ZFAT: variants seen among roughly 807,000 people sequenced by gnomAD.
ZFAT encodes zinc finger and AT-hook domain containing, also known as zinc finger protein ZFAT.
ZFAT carries 64 observed loss-of-function variants against 117.7 expected under a neutral mutation model. The observed-to-expected ratio is 0.54, with a 90% CI of 0.44 to 0.67. The LOEUF is 0.67. ZFAT is among the 30% of genes least tolerant of loss of function. The pLI, the probability that ZFAT is intolerant of heterozygous loss-of-function variation, is 0.00. For missense variants in ZFAT, 1,433 were observed against 1,584.5 expected, an observed-to-expected ratio of 0.90 and a Z score of 1.62; for synonymous variants, 679 against 615.0, an observed-to-expected ratio of 1.10 and a Z score of -1.54.
chr8:134,766,916 A>T, the ZFAT span: 1 of 152,228 alleles, frequency 6.6e-6, no homozygotes, highest in Non-Finnish European at 1.5e-5. Context: ...CTGAACGCTC[A>T]ACTGCTTAGC....
At chr8:134,557,005 GATTACAGCAAAAA>G (rs1460032293) in intron 11 of ZFAT, among the ~76,000 whole-genome samples, 2 of 151,542 alleles carry the variant, frequency 1.3e-5, no homozygotes, top group Non-Finnish European at 2.9e-5. Context: ...AATATTTACT[GATTACAGCAAAAA>G]ATAACAACAC....
chr8:134,555,845 G>C (rs1823550763), intron 11 of ZFAT, among the ~76,000 whole-genome samples: 1 of 151,534 alleles, frequency 6.6e-6, no homozygotes, highest in Non-Finnish European at 1.5e-5. Context: ...TGTGTGAACA[G>C]ATGATAAAAT....
At chr8:134,685,864 C>T (rs1227883096) in intron 1 of ZFAT, among the ~76,000 whole-genome samples, 3 of 152,206 alleles carry the variant, frequency 2.0e-5, no homozygotes, top group African/African-American at 7.2e-5. Context: ...GTGCCTTCCC[C>T]GTCACCCCAC....
the ZFAT span, among the ~76,000 whole-genome samples, chr8:134,809,837 A>G: frequency 6.6e-6 from 1 of 152,190 alleles, no homozygotes; most frequent in Non-Finnish European, 1.5e-5. Context: ...TTCTCTGACC[A>G]TAATTGAAAC....
rs779223874 is a variant in ZFAT, at chr8:134,565,493, T to C, written c.2888-72A>G. The C allele has an allele frequency of 4.3e-6, 6 of 1,398,140 alleles. No homozygotes were observed. In the South Asian group the frequency reaches 4.8e-5, roughly 11 times the overall value. 86.6% of individuals were successfully genotyped at this position (1,398,140 alleles called of 1,614,324 possible). On this transcript the variant is annotated intron_variant, in intron 10 of 15. Coordinates refer to ENST00000377838, the MANE Select transcript of ZFAT (RefSeq NM_020863.4). ...CCCACTGTGAATGAAGTGCCAGGCA[T>C]GGAGCCAGGTACACAAAGGTGTTCC...
chr8:134,609,940 G>A (rs1361758324), intron 4 of ZFAT, among the ~76,000 whole-genome samples: 1 of 152,190 alleles, frequency 6.6e-6, no homozygotes, highest in Non-Finnish European at 1.5e-5. Context: ...AAAGAAAAAT[G>A]AGAATAGAAC....
In ZFAT at chr8:134,669,263, T is replaced by A. The variant is rs530572496; in HGVS notation, c.20-11526A>T. 2.6e-5 allele frequency among the ~76,000 whole-genome samples: 4 copies of A among 152,256 alleles called. No individual in the cohort carries two copies. In the South Asian group the frequency reaches 8.3e-4, roughly 32 times the overall value. ...GGAAATACAGAGAATGCCACAAAGATACTCCTCAAGAAGAGCAGCTCCAAG... is the reference window on the plus strand; with the variant it reads ...GGAAATACAGAGAATGCCACAAAGAAACTCCTCAAGAAGAGCAGCTCCAAG... On this transcript the variant is annotated intron_variant, in intron 1 of 15. Coordinates refer to ENST00000377838, the MANE Select transcript of ZFAT (RefSeq NM_020863.4).
At chr8:134,509,790 G>A in intron 14 of ZFAT, 41 bp from the exon 15 acceptor site, 1 of 1,548,594 alleles carries the variant, frequency 6.5e-7, no homozygotes, top group Non-Finnish European at 8.7e-7. Context: ...TCAGGCCACT[G>A]GTGCTGAAGG....
chr8:134,748,733 T>C, the ZFAT span, among the ~76,000 whole-genome samples: 1 of 152,170 alleles, frequency 6.6e-6, no homozygotes, highest in Non-Finnish European at 1.5e-5. Context: ...CGCAGTATTG[T>C]TAGTCTTTTT....
At chr8:134,709,197 T>C (rs1377637570) in intron 1 of ZFAT, among the ~76,000 whole-genome samples, 1 of 152,126 alleles carries the variant, frequency 6.6e-6, no homozygotes, top group African/African-American at 2.4e-5. Context: ...TGTGGGAGGG[T>C]GGCCTGAGCC....
At chr8:134,571,044 C>T (rs577774899) in intron 10 of ZFAT, among the ~76,000 whole-genome samples, 2 of 152,312 alleles carry the variant, frequency 1.3e-5, no homozygotes, top group East Asian at 3.9e-4. Context: ...TCCATTCACT[C>T]AGCGAGCATT....
chr8:134,701,896 A>G (rs1432664998), intron 1 of ZFAT, among the ~76,000 whole-genome samples: 1 of 152,240 alleles, frequency 6.6e-6, no homozygotes, highest in Non-Finnish European at 1.5e-5. Flanking sequence ...TTAATCCCCA[A>G]TGTGGCACTG....
At chr8:134,801,900 G>A in the ZFAT span, among the ~76,000 whole-genome samples, 1 of 152,176 alleles carries the variant, frequency 6.6e-6, no homozygotes, top group African/African-American at 2.4e-5. Context: ...GGGCCTAGAG[G>A]AGCAGCATCA....
At chr8:134,828,893 T>G in the ZFAT span, among the ~76,000 whole-genome samples, 3 of 152,248 alleles carry the variant, frequency 2.0e-5, no homozygotes, top group Non-Finnish European at 4.4e-5. Context: ...CCTTTAATTC[T>G]GAAGAATAAT....
intron 1 of ZFAT, among the ~76,000 whole-genome samples, chr8:134,706,778 G>A (rs1834162847): frequency 6.6e-6 from 1 of 151,968 alleles, no homozygotes; most frequent in Admixed American, 6.6e-5. Flanking sequence ...AAACTTTCTG[G>A]GCTGATGAAA....
At chr8:134,555,715 GA>G (rs1823530985) in intron 11 of ZFAT, among the ~76,000 whole-genome samples, 1 of 150,462 alleles carries the variant, frequency 6.6e-6, no homozygotes, top group Non-Finnish European at 1.5e-5. Context: ...AAAAAGAAAA[GA>G]AAAAAAGTCA....
At chr8:134,586,227 G>A (rs532539519) in intron 9 of ZFAT, among the ~76,000 whole-genome samples, 27 of 152,264 alleles carry the variant, frequency 1.8e-4, no homozygotes, top group East Asian at 1.7e-3. Flanking sequence ...TTCTGAAGTC[G>A]CTAAAAATAT....
chr8:134,660,504 G>A (rs946654235), intron 1 of ZFAT, among the ~76,000 whole-genome samples: 1 of 152,220 alleles, frequency 6.6e-6, no homozygotes, highest in Non-Finnish European at 1.5e-5. Context: ...TCAGGCATGA[G>A]GTCCAGGCCC....
At chr8:134,540,318 C>A (rs1822159813) in intron 11 of ZFAT, among the ~76,000 whole-genome samples, 2 of 152,166 alleles carry the variant, frequency 1.3e-5, no homozygotes, top group South Asian at 4.1e-4. Context: ...ATCATCTCAG[C>A]CCTCAGGACT....
Sources: gnomAD v4.1 joint callset for allele counts (sites outside exome capture counted in the v4.1 genomes callset) on GRCh38, gnomAD v4.1.1 for gene constraint, MANE v1.5 for transcripts, NCBI Gene and HGNC (gene_info 2026-07-23, HGNC 2026-07-21) for gene names.